The following CORO7 variants were observed in gnomAD, a reference collection of about 807,000 sequenced individuals.
CORO7 encodes coronin-7.
In CORO7, 107 loss-of-function variants were observed where a neutral mutation model predicts 126.6. That is an observed-to-expected ratio of 0.85 (90% CI 0.72 to 0.99). CORO7 has a LOEUF of 0.99. CORO7 is among the 50% of genes least tolerant of loss of function. The pLI is 0.00. For missense variants in CORO7, 1,314 were observed against 1,255.8 expected, an observed-to-expected ratio of 1.05 and a Z score of -0.70; for synonymous variants, 603 against 536.8, an observed-to-expected ratio of 1.12 and a Z score of -1.70.
In CORO7 at chr16:4,400,480, A is replaced by G. The variant is rs1350556968; in HGVS notation, c.564+5011T>C. Among the ~76,000 whole-genome samples, 7 of 152,256 alleles carry G rather than the reference A, an allele frequency of 4.6e-5. No homozygotes were observed. The East Asian group carries it at 9.7e-4, about 21-fold the overall frequency. ...GAAACCCCGTCTCTACTAAAAATAC[A>G]AAATTAGCTGGGTGTGGTGGCACAT... is the stretch of plus-strand genomic sequence containing the variant. On this transcript the variant is annotated intron_variant, in intron 6 of 27. Transcript: ENST00000251166.
At chr16:4,380,932 C>A in intron 9 of CORO7, 1 of 1,588,714 alleles carries the variant, frequency 6.3e-7, no homozygotes, top group Non-Finnish European at 8.5e-7. Context: ...GGCCCTGGGG[C>A]CTGGGGTGCA....
Position 4,365,549 on chromosome 16 carries a change from G to T in CORO7, c.786-4C>A. On this transcript the variant is annotated splice_polypyrimidine_tract_variant and splice_region_variant and intron_variant, in intron 9 of 27. Transcript: ENST00000251166. Reference sequence around the variant, plus strand: ...GTCCAGCAGAGGCACGAGACACCTGGGGAAGAGAGGGCAAGATGGCGGGTC... The same window carrying T: ...GTCCAGCAGAGGCACGAGACACCTGTGGAAGAGAGGGCAAGATGGCGGGTC... 1.3e-6 allele frequency: 2 copies of T among 1,577,674 alleles called. No homozygotes were observed. Among genetic ancestry groups the T allele is most frequent in the East Asian group, 2.3e-5 (1 of 42,802 alleles).
chr16:4,377,909 CCT>C (rs1282357373), intron 9 of CORO7, among the ~76,000 whole-genome samples: 1 of 152,190 alleles, frequency 6.6e-6, no homozygotes, highest in Non-Finnish European at 1.5e-5. Context: ...GACCTAGACC[CCT>C]GTCCTGCTAA....
intron 6 of CORO7, among the ~76,000 whole-genome samples, chr16:4,399,709 G>C (rs983507770): frequency 3.9e-5 from 6 of 152,124 alleles, no homozygotes; most frequent in African/African-American, 1.4e-4. Flanking sequence ...AGGCAACACA[G>C]TGAGATCCCT....
intron 9 of CORO7, among the ~76,000 whole-genome samples, chr16:4,368,340 C>T (rs1443206515): frequency 6.6e-6 from 1 of 151,862 alleles, no homozygotes; most frequent in East Asian, 1.9e-4. Flanking sequence ...GAGTGAGACT[C>T]CATCTCAAAA....
rs1442656821 is a variant in CORO7, at chr16:4,365,515, A to C, written c.816T>G (p.Ser272=). 1 of 1,579,808 alleles carries C rather than the reference A, an allele frequency of 6.3e-7. No individual in the cohort carries two copies. The highest frequency in any genetic ancestry group is 1.2e-5 in the South Asian group (1 of 85,922). The change falls in exon 10 of 28, where the codon TCT becomes TCG. Residue 272 remains serine (S), a synonymous_variant. Transcript: ENST00000251166. ...CCTTTCCTGCCAGGACCAGGAGCCC[A>C]GAGTCAGGGTCCAGCAGAGGCACGA... ...GCLVPLLDPD[S]GLLVLAGKGE...
chr16:4,395,985 GCA>G (rs990034370), intron 6 of CORO7, among the ~76,000 whole-genome samples: 17 of 50,506 alleles, frequency 3.4e-4, no homozygotes, highest in Admixed American at 5.5e-4. Context: ...ATGTGTGTGT[GCA>G]TGCACACGTT....
Position 4,357,258 on chromosome 16 carries a change from C to T in CORO7, c.2595G>A (p.Val865=), listed in dbSNP as rs1179665199. ...LSLQPPDMSP[V]SQAPREAPAR... ...CAGGGGCCTCTCGGGGGGCTTGGCT[C>T]ACTGGGACAGAGCAAGGACACGTGT... The change falls in exon 26 of 28, where the codon GTG becomes GTA. Residue 865 remains valine, a splice_region_variant and synonymous_variant. Transcript: ENST00000251166. The T allele has an allele frequency of 1.9e-6, 3 of 1,612,616 alleles. No homozygotes were observed. Among genetic ancestry groups the T allele is most frequent in the Non-Finnish European group, 2.5e-6 (3 of 1,179,470 alleles).
At chr16:4,383,174 G>T in intron 9 of CORO7, 1 of 416,090 alleles carries the variant, frequency 2.4e-6, no homozygotes, top group Non-Finnish European at 4.4e-6. Flanking sequence ...CCTGGGCACG[G>T]CGGGCCCTGC....
intron 3 of CORO7, among the ~76,000 whole-genome samples, chr16:4,410,284 G>A (rs2056154223): frequency 6.6e-6 from 1 of 152,108 alleles, no homozygotes; most frequent in Admixed American, 6.6e-5. Context: ...AATCAGCTGG[G>A]CATGGTGGTG....
At chr16:4,403,993 C>A (rs143273015) in intron 6 of CORO7, among the ~76,000 whole-genome samples, 3 of 152,328 alleles carry the variant, frequency 2.0e-5, no homozygotes, top group African/African-American at 7.2e-5. Flanking sequence ...CCAGAAGGGG[C>A]TCCCTGGGGG....
chr16:4,379,916 TGCATGGTGGCTG>T (rs33993217), intron 9 of CORO7, among the ~76,000 whole-genome samples: 91,497 of 147,112 alleles, frequency 0.62, 30,616 homozygotes, highest in East Asian at 0.79. Flanking sequence ...AAATTAGCCA[TGCATGGTGGCTG>T]GCACCTGTAG....
intron 9 of CORO7, among the ~76,000 whole-genome samples, chr16:4,371,642 C>G (rs2043874428): frequency 6.6e-6 from 1 of 152,242 alleles, no homozygotes; most frequent in Admixed American, 6.5e-5. Flanking sequence ...CAGTGTCATC[C>G]GGCAAACCCA....
At chr16:4,358,588 T>A in intron 23 of CORO7, 105 bp from the exon 24 acceptor site, 1 of 1,055,440 alleles carries the variant, frequency 9.5e-7, no homozygotes, top group Non-Finnish European at 1.3e-6. Flanking sequence ...CCACCATGCC[T>A]AGGGCCTGTC....
intron 3 of CORO7, 134 bp downstream of exon 3, chr16:4,412,222 G>C (rs1399265664): frequency 3.7e-5 from 34 of 927,028 alleles, no homozygotes; most frequent in Non-Finnish European, 5.3e-5. Context: ...CTGTCTCTCA[G>C]AGAGTGCACA....
intron 9 of CORO7, chr16:4,381,310 G>A (rs750301094): frequency 1.6e-5 from 26 of 1,611,738 alleles, no homozygotes; most frequent in African/African-American, 6.7e-5. Context: ...TGGTGCCTTC[G>A]ACACGCTCGA....
rs1380181701 is a variant in CORO7, at chr16:4,357,957, C to G, written c.2593+11G>C. Reference sequence around the variant, plus strand: ...TCCCGCTTCCTCCCCACACCCAGTCCCTCGGTGCACCTGGGCTCATGTCAG... The same window carrying G: ...TCCCGCTTCCTCCCCACACCCAGTCGCTCGGTGCACCTGGGCTCATGTCAG... On this transcript the variant is annotated intron_variant, in intron 25 of 27. Coordinates refer to ENST00000251166, the MANE Select transcript of CORO7 (RefSeq NM_024535.5). 1 of 1,592,074 alleles carries G rather than the reference C, an allele frequency of 6.3e-7. No homozygotes were observed. The highest frequency in any genetic ancestry group is 1.7e-5 in the Admixed American group (1 of 59,090).
At chr16:4,365,470 G>C in intron 10 of CORO7, 21 bp downstream of exon 10, 1 of 1,548,146 alleles carries the variant, frequency 6.5e-7, no homozygotes, top group African/African-American at 1.4e-5. Flanking sequence ...ATGTGGGTGG[G>C]AGCCCCAGCT....
chr16:4,389,850 C>A (rs1440450783), intron 7 of CORO7, among the ~76,000 whole-genome samples: 1 of 152,200 alleles, frequency 6.6e-6, no homozygotes, highest in Non-Finnish European at 1.5e-5. Context: ...CCAGGTGGCT[C>A]TTAGCTTGTC....
Sources: gnomAD v4.1 joint callset for allele counts (sites outside exome capture counted in the v4.1 genomes callset) on GRCh38, gnomAD v4.1.1 for gene constraint, MANE v1.5 for transcripts, NCBI Gene and HGNC (gene_info 2026-07-23, HGNC 2026-07-21) for gene names.